The following NDST3 variants were observed in gnomAD, a reference collection of about 807,000 sequenced individuals.
NDST3 encodes N-deacetylase and N-sulfotransferase 3.
A neutral mutation model predicts 96.1 loss-of-function variants in NDST3; 58 were observed. The observed-to-expected ratio is 0.60, with a 90% CI of 0.49 to 0.75. The LOEUF (loss-of-function observed/expected upper bound fraction) is 0.75. Among genes scored for constraint, NDST3 ranks in the 30% least tolerant of loss-of-function variants. The pLI is 0.00. For synonymous variants in NDST3, 333 were observed against 359.7 expected (o/e 0.93, Z 0.84); for missense variants, 788 against 1,034.2 (o/e 0.76, Z 3.27).
chr4:118,077,774 G>T (rs927949359), intron 2 of NDST3, among the ~76,000 whole-genome samples: 2 of 152,242 alleles, frequency 1.3e-5, no homozygotes, highest in Non-Finnish European at 2.9e-5. Context: ...AGCAGCAGGA[G>T]TGGGTGGAGC....
chr4:118,079,115 G>T (rs1191024407), intron 2 of NDST3, among the ~76,000 whole-genome samples: 1 of 152,170 alleles, frequency 6.6e-6, no homozygotes, highest in Non-Finnish European at 1.5e-5. Flanking sequence ...ATTAATTGGT[G>T]TCTACTATGT....
chr4:118,194,867 G>A (rs577317727), intron 6 of NDST3: 19 of 275,082 alleles, frequency 6.9e-5, no homozygotes, highest in South Asian at 3.6e-4. Context: ...TGCTGACTGC[G>A]GACCACATGG....
At chr4:118,196,306 CT>C (rs954711464) in intron 6 of NDST3, among the ~76,000 whole-genome samples, 1 of 152,026 alleles carries the variant, frequency 6.6e-6, no homozygotes, top group Non-Finnish European at 1.5e-5. Flanking sequence ...CTGTAGTTTT[CT>C]TTTTTTGATG....
chr4:118,060,604 T>C (rs2389504), intron 2 of NDST3, among the ~76,000 whole-genome samples: 78,821 of 151,900 alleles, frequency 0.52, 24,630 homozygotes, highest in East Asian at 0.72. Context: ...TTGTGCTTTA[T>C]ATTTGCCCCA....
intron 2 of NDST3, among the ~76,000 whole-genome samples, chr4:118,070,300 G>T (rs1726947039): frequency 6.6e-6 from 1 of 152,076 alleles, no homozygotes; most frequent in African/African-American, 2.4e-5. Context: ...GAAATAGGGT[G>T]AACAGAACAC....
chr4:118,156,489 G>C (rs998531473), intron 6 of NDST3, among the ~76,000 whole-genome samples: 4 of 152,022 alleles, frequency 2.6e-5, no homozygotes, highest in African/African-American at 7.2e-5. Flanking sequence ...AAAAGTTTTG[G>C]CACATAGTAG....
intron 6 of NDST3, among the ~76,000 whole-genome samples, chr4:118,149,693 G>A (rs866346269): frequency 1.2e-3 from 175 of 149,364 alleles, no homozygotes; most frequent in African/African-American, 3.9e-3. Flanking sequence ...CAATCATGTC[G>A]TCTGCAAACA....
intron 1 of NDST3, among the ~76,000 whole-genome samples, chr4:118,048,449 C>G (rs1170659121): frequency 6.6e-6 from 1 of 152,108 alleles, no homozygotes; most frequent in Non-Finnish European, 1.5e-5. Flanking sequence ...GATAAAAAGA[C>G]AAGACCCAAC....
At chr4:118,248,685 A>G (rs1486420941) in intron 12 of NDST3, among the ~76,000 whole-genome samples, 2 of 152,218 alleles carry the variant, frequency 1.3e-5, no homozygotes, top group Non-Finnish European at 2.9e-5. Context: ...AGCCATGACA[A>G]TGGTTGCCAG....
intron 6 of NDST3, among the ~76,000 whole-genome samples, chr4:118,211,255 G>A (rs990840493): frequency 1.3e-5 from 2 of 152,044 alleles, no homozygotes; most frequent in Non-Finnish European, 2.9e-5. Context: ...ATTCTGCAAG[G>A]GAAAACTACC....
At chr4:118,130,149 GTGTCTT>G (rs1248592509) in intron 4 of NDST3, among the ~76,000 whole-genome samples, 1 of 152,014 alleles carries the variant, frequency 6.6e-6, no homozygotes, top group Admixed American at 6.6e-5. Context: ...TGGCCACTCT[GTGTCTT>G]TTGATCAGAG....
At chr4:118,075,850 G>T (rs1482239704) in intron 2 of NDST3, among the ~76,000 whole-genome samples, 3 of 152,122 alleles carry the variant, frequency 2.0e-5, no homozygotes, top group Admixed American at 2.0e-4. Context: ...TCTGTAGGTT[G>T]CCTGTTCACT....
intron 2 of NDST3, among the ~76,000 whole-genome samples, chr4:118,099,170 G>C (rs1729576817): frequency 6.6e-6 from 1 of 152,076 alleles, no homozygotes; most frequent in African/African-American, 2.4e-5. Context: ...TCAGTAACTT[G>C]TCCAAGCCTC....
At chr4:118,224,417 C>T in intron 6 of NDST3, 74 bp from the exon 7 acceptor site, 1 of 1,362,266 alleles carries the variant, frequency 7.3e-7, no homozygotes, top group South Asian at 1.6e-5. Flanking sequence ...AAAAAACTAG[C>T]ATGGCTGTGA....
chr4:118,068,166 C>CTTTTTT (rs34891564), intron 2 of NDST3, among the ~76,000 whole-genome samples: 9 of 84,334 alleles, frequency 1.1e-4, no homozygotes, highest in Admixed American at 1.6e-4. Context: ...TACTTGATCT[C>CTTTTTT]TTTTTTTTTT....
intron 2 of NDST3, among the ~76,000 whole-genome samples, chr4:118,085,971 A>C (rs1222449211): frequency 3.3e-5 from 5 of 152,132 alleles, no homozygotes; most frequent in African/African-American, 9.7e-5. Context: ...TTTATCTGGA[A>C]TCCTCTATTC....
intron 6 of NDST3, chr4:118,194,690 T>A: frequency 1.6e-6 from 1 of 609,678 alleles, no homozygotes; most frequent in Non-Finnish European, 3.0e-6. Flanking sequence ...GTCCACTCCC[T>A]CCATGGGAAG....
chr4:118,168,980 A>G (rs1402065209), intron 6 of NDST3, among the ~76,000 whole-genome samples: 2 of 152,122 alleles, frequency 1.3e-5, no homozygotes, highest in Non-Finnish European at 2.9e-5. Context: ...GGGAGGGTTC[A>G]ATGGATATAA....
At chr4:118,180,507 A>G (rs1269102948) in intron 6 of NDST3, among the ~76,000 whole-genome samples, 6 of 152,152 alleles carry the variant, frequency 3.9e-5, no homozygotes, top group Non-Finnish European at 4.4e-5. Context: ...TACACAGATC[A>G]ACTTAGGAGA....
Sources: gnomAD v4.1 joint callset for allele counts (sites outside exome capture counted in the v4.1 genomes callset) on GRCh38, gnomAD v4.1.1 for gene constraint, MANE v1.5 for transcripts, NCBI Gene and HGNC (gene_info 2026-07-23, HGNC 2026-07-21) for gene names.